The following TBCK variants were observed in gnomAD, a reference collection of about 807,000 sequenced individuals.
TBCK encodes TBC1 domain containing kinase.
Under a neutral mutation model 113.4 loss-of-function variants are expected in TBCK, and 99 were observed. The observed-to-expected ratio is 0.87, with a 90% CI of 0.74 to 1.03. The LOEUF (loss-of-function observed/expected upper bound fraction) is 1.03. TBCK is among the 50% of genes least tolerant of loss of function. The probability of loss-of-function intolerance (pLI) is 0.00; values close to 1 mark genes in which losing one functional copy is unlikely to be tolerated. For synonymous variants in TBCK, 369 were observed against 370.8 expected, an observed-to-expected ratio of 1.00 and a Z score of 0.05; for missense variants, 1,045 against 1,061.3, an observed-to-expected ratio of 0.98 and a Z score of 0.21.
chr4:106,141,423 G>A (rs925951823), intron 23 of TBCK, among the ~76,000 whole-genome samples: 2 of 139,602 alleles, frequency 1.4e-5, no homozygotes, highest in Admixed American at 7.1e-5. Context: ...ATAATCCTCT[G>A]AAGTATATAA....
chr4:106,296,046 T>C (rs1486517236), intron 2 of TBCK, among the ~76,000 whole-genome samples: 2 of 152,152 alleles, frequency 1.3e-5, no homozygotes, highest in African/African-American at 4.8e-5. Context: ...AAAACAGTGG[T>C]AGACATGATC....
At chr4:106,277,471 A>G (rs755884416) in intron 3 of TBCK, among the ~76,000 whole-genome samples, 4 of 152,178 alleles carry the variant, frequency 2.6e-5, no homozygotes, top group Non-Finnish European at 5.9e-5. Flanking sequence ...AAATTGAAAA[A>G]CAAATATATT....
chr4:106,119,472 G>T (rs1395162150), intron 23 of TBCK, among the ~76,000 whole-genome samples: 1 of 152,010 alleles, frequency 6.6e-6, no homozygotes, highest in African/African-American at 2.4e-5. Context: ...GCAGAAAAAT[G>T]AAACTAGACC....
chr4:106,255,250 C>T (rs1334275654), intron 5 of TBCK, among the ~76,000 whole-genome samples: 1 of 152,196 alleles, frequency 6.6e-6, no homozygotes, highest in East Asian at 1.9e-4. Flanking sequence ...AGGTGGAAAC[C>T]TCTGTGGCCA....
At chr4:106,204,751 A>ATTTTTTTTTT (rs34775295) in intron 20 of TBCK, among the ~76,000 whole-genome samples, 1,096 of 87,256 alleles carry the variant, frequency 0.013, 85 homozygotes, top group Non-Finnish European at 0.018. Flanking sequence ...ACAAACAATG[A>ATTTTTTTTTT]TTTTTTTTTT....
chr4:106,244,380 G>C (rs1374523348), intron 11 of TBCK, among the ~76,000 whole-genome samples: 1 of 151,938 alleles, frequency 6.6e-6, no homozygotes, highest in Non-Finnish European at 1.5e-5. Flanking sequence ...ACTTCAAGTA[G>C]GTCACAAAGC....
intron 19 of TBCK, among the ~76,000 whole-genome samples, chr4:106,220,991 C>T (rs750935418): frequency 9.9e-5 from 15 of 152,154 alleles, no homozygotes; most frequent in South Asian, 2.1e-4. Flanking sequence ...GAAATTCACA[C>T]CTCAGGCAAT....
In TBCK at chr4:106,248,294, T is replaced by C. The variant is rs145662552; in HGVS notation, c.733A>G (p.Thr245Ala). ...CACTTATTCAAAAGATCTATCACAGTTTCAGGAAGCTCCTGGTAAATAAAG... is the reference window on the plus strand; with the variant it reads ...CACTTATTCAAAAGATCTATCACAGCTTCAGGAAGCTCCTGGTAAATAAAG... ...CLDIIKELPE[T>A]VIDLLNKCLT... is the part of the protein sequence containing the mutation. Residue 245 changes from threonine (T) to alanine (A), a missense_variant, in exon 9 of 26, where the codon ACT becomes GCT. Transcript: ENST00000394708. 1.5e-5 allele frequency: 24 copies of C among 1,588,254 alleles called. No individual in the cohort carries two copies. Among genetic ancestry groups the C allele is most frequent in the Non-Finnish European group, 2.0e-5 (23 of 1,166,884 alleles).
intron 12 of TBCK, among the ~76,000 whole-genome samples, chr4:106,238,352 T>C (rs1759704748): frequency 6.6e-6 from 1 of 152,118 alleles, no homozygotes. Flanking sequence ...TCCTACTATA[T>C]AACATGTAAA....
intron 20 of TBCK, among the ~76,000 whole-genome samples, chr4:106,200,233 GTTACC>G (rs1754723678): frequency 6.6e-6 from 1 of 152,038 alleles, no homozygotes; most frequent in Non-Finnish European, 1.5e-5. Context: ...GGTTTTCTTG[GTTACC>G]TTACTTATTT....
chr4:106,164,674 G>C (rs575229411), intron 23 of TBCK, among the ~76,000 whole-genome samples: 1 of 151,722 alleles, frequency 6.6e-6, no homozygotes, highest in Non-Finnish European at 1.5e-5. Context: ...GATTTGTTTA[G>C]GGGGAGATAA....
Position 106,232,218 on chromosome 4 carries a change from AT to A in TBCK, c.1640-440del, listed in dbSNP as rs769723001. Among the ~76,000 whole-genome samples the A allele has an allele frequency of 4.0e-5, 6 of 151,816 alleles. No individual in the cohort carries two copies. The East Asian group carries it at 1.2e-3, about 29-fold the overall frequency. ...AAATTGTGAAGTGGATTCCAAATAT[AT>A]GACATTTCTTTTATTGATAATAATG... On this transcript the variant is annotated intron_variant, in intron 17 of 25. Coordinates refer to ENST00000394708, the MANE Select transcript of TBCK (RefSeq NM_001163435.3).
chr4:106,249,732 A>G (rs1387416036), intron 7 of TBCK, among the ~76,000 whole-genome samples: 2 of 152,122 alleles, frequency 1.3e-5, no homozygotes, highest in Admixed American at 1.3e-4. Context: ...TTGTAATTAA[A>G]TGTGGTAAAT....
At chr4:106,132,927 A>C (rs917156288) in intron 23 of TBCK, among the ~76,000 whole-genome samples, 2 of 152,158 alleles carry the variant, frequency 1.3e-5, no homozygotes, top group Non-Finnish European at 2.9e-5. Flanking sequence ...CTGTACCCCC[A>C]CTGTATTTGG....
chr4:106,246,866 G>A (rs1760874227), intron 10 of TBCK, among the ~76,000 whole-genome samples: 1 of 151,974 alleles, frequency 6.6e-6, no homozygotes, highest in Admixed American at 6.6e-5. Flanking sequence ...GTTGTTTTTT[G>A]TAGAGACAGG....
chr4:106,262,584 A>AT (rs1178864644), intron 3 of TBCK, among the ~76,000 whole-genome samples: 1 of 152,050 alleles, frequency 6.6e-6, no homozygotes, highest in Non-Finnish European at 1.5e-5. Flanking sequence ...ACTAAAAACT[A>AT]TTTTGCTCAA....
At chr4:106,274,360 T>C (rs1321755258) in intron 3 of TBCK, among the ~76,000 whole-genome samples, 1 of 152,150 alleles carries the variant, frequency 6.6e-6, no homozygotes, top group Non-Finnish European at 1.5e-5. Flanking sequence ...AAAGCAGGTA[T>C]TCAATCAAAT....
At chr4:106,308,664 G>T in intron 2 of TBCK, 104 bp downstream of exon 2, 1 of 1,013,664 alleles carries the variant, frequency 9.9e-7, no homozygotes, top group Non-Finnish European at 1.4e-6. Context: ...GGACATGTGT[G>T]CACTGGTACT....
chr4:106,260,548 T>G, intron 4 of TBCK, 38 bp from the exon 5 acceptor site: 1 of 640,088 alleles, frequency 1.6e-6, no homozygotes, highest in Non-Finnish European at 2.4e-6. Context: ...TCAAATAATT[T>G]ATTATAATTG....
Sources: allele counts gnomAD v4.1 joint callset (sites outside exome capture counted in the v4.1 genomes callset), GRCh38; gene constraint gnomAD v4.1.1; transcripts MANE v1.5; gene names NCBI Gene and HGNC (gene_info 2026-07-23, HGNC 2026-07-21).